Variants in POU6F2 observed in about 807,000 individuals in gnomAD.
POU6F2 encodes the protein POU class 6 homeobox 2.
Under a neutral mutation model 71.3 loss-of-function variants are expected in POU6F2, and 31 were observed. The observed-to-expected ratio is 0.43, with a 90% CI of 0.33 to 0.59. The LOEUF is 0.59. POU6F2 is among the 20% of genes least tolerant of loss of function. POU6F2 has a pLI of 0.04. For synonymous variants in POU6F2, 347 were observed against 355.7 expected, an observed-to-expected ratio of 0.98 and a Z score of 0.27; for missense variants, 783 against 856.8, an observed-to-expected ratio of 0.91 and a Z score of 1.07.
At chr7:39,198,685 T>A (rs1162831874) in intron 2 of POU6F2, among the ~76,000 whole-genome samples, 1 of 152,238 alleles carries the variant, frequency 6.6e-6, no homozygotes, top group African/African-American at 2.4e-5. Context: ...AGTCTCAGAT[T>A]CTACTAAGGG....
At chr7:39,133,444 G>A (rs971759389) in intron 2 of POU6F2, among the ~76,000 whole-genome samples, 1 of 152,226 alleles carries the variant, frequency 6.6e-6, no homozygotes, top group African/African-American at 2.4e-5. Context: ...GAGAAGAGAT[G>A]TGTTTCAAAA....
At chr7:39,351,481 GTAAA>G (rs1316060678) in intron 5 of POU6F2, among the ~76,000 whole-genome samples, 1 of 152,206 alleles carries the variant, frequency 6.6e-6, no homozygotes, top group Non-Finnish European at 1.5e-5. Context: ...AATAGGGAAA[GTAAA>G]TAATCCTTTT....
At chr7:39,188,840 A>T (rs768013057) in intron 2 of POU6F2, among the ~76,000 whole-genome samples, 1 of 152,196 alleles carries the variant, frequency 6.6e-6, no homozygotes, top group Non-Finnish European at 1.5e-5. Context: ...TTAAGTCTAG[A>T]CTGTGCTCCC....
intron 1 of POU6F2, among the ~76,000 whole-genome samples, chr7:38,981,986 T>C (rs1254028466): frequency 6.6e-6 from 1 of 152,224 alleles, no homozygotes; most frequent in East Asian, 1.9e-4. Context: ...TTCCAAAAAG[T>C]ATTTAATGTA....
chr7:39,093,159 A>C (rs960946135), intron 2 of POU6F2, among the ~76,000 whole-genome samples: 3 of 152,084 alleles, frequency 2.0e-5, no homozygotes, highest in Non-Finnish European at 4.4e-5. Flanking sequence ...AAAATTAGCT[A>C]CCTGGAACAA....
At chr7:39,414,941 T>C (rs999423145) in intron 6 of POU6F2, among the ~76,000 whole-genome samples, 11 of 152,018 alleles carry the variant, frequency 7.2e-5, no homozygotes, top group Non-Finnish European at 1.5e-4. Flanking sequence ...CCAAGTTCTC[T>C]CTCACCTAAA....
intron 4 of POU6F2, among the ~76,000 whole-genome samples, chr7:39,329,395 C>T (rs1785588516): frequency 6.6e-6 from 1 of 151,920 alleles, no homozygotes; most frequent in African/African-American, 2.4e-5. Flanking sequence ...TCTCTGAGGG[C>T]AATTTCTACT....
intron 2 of POU6F2, among the ~76,000 whole-genome samples, chr7:39,121,421 A>T (rs11972468): frequency 0.39 from 59,296 of 152,070 alleles, 12,171 homozygotes; most frequent in African/African-American, 0.5. Flanking sequence ...ATCACTTGCC[A>T]GAATCCTTTG....
chr7:39,305,791 A>G (rs1489556749), intron 4 of POU6F2, among the ~76,000 whole-genome samples: 2 of 152,224 alleles, frequency 1.3e-5, no homozygotes, highest in African/African-American at 2.4e-5. Flanking sequence ...ATGTTCTTCA[A>G]TGTGCAGAGA....
chr7:39,089,381 G>C (rs1482549976), intron 2 of POU6F2, among the ~76,000 whole-genome samples: 1 of 152,164 alleles, frequency 6.6e-6, no homozygotes, highest in African/African-American at 2.4e-5. Context: ...GTGGTTGGGG[G>C]TGGGGGATTA....
chr7:39,205,116 G>T (rs756137889), intron 3 of POU6F2, among the ~76,000 whole-genome samples: 7 of 151,716 alleles, frequency 4.6e-5, no homozygotes, highest in Non-Finnish European at 1.0e-4. Flanking sequence ...TCGCCACCAA[G>T]ACTCCCTATG....
chr7:39,074,015 A>C (rs956112122), intron 1 of POU6F2, among the ~76,000 whole-genome samples: 1 of 152,218 alleles, frequency 6.6e-6, no homozygotes, highest in Non-Finnish European at 1.5e-5. Flanking sequence ...GGATTTATAG[A>C]GTTTCCTTCT....
chr7:39,062,225 T>C (rs1255331410), intron 1 of POU6F2, among the ~76,000 whole-genome samples: 1 of 151,684 alleles, frequency 6.6e-6, no homozygotes, highest in African/African-American at 2.4e-5. Flanking sequence ...GCAAATAATG[T>C]GTCAGTACTG....
chr7:39,268,508 G>C (rs1433310474), intron 4 of POU6F2, among the ~76,000 whole-genome samples: 2 of 152,188 alleles, frequency 1.3e-5, no homozygotes, highest in Admixed American at 1.3e-4. Context: ...TGCTCAAGCA[G>C]AAGTGTCTAT....
intron 1 of POU6F2, among the ~76,000 whole-genome samples, chr7:39,054,753 G>C (rs1790473358): frequency 7.0e-6 from 1 of 143,612 alleles, no homozygotes; most frequent in Non-Finnish European, 1.5e-5. Flanking sequence ...ACAGCACAGG[G>C]AAAAGATCAG....
At chr7:39,288,088 T>A (rs1172333366) in intron 4 of POU6F2, among the ~76,000 whole-genome samples, 3 of 152,238 alleles carry the variant, frequency 2.0e-5, no homozygotes, top group Admixed American at 2.0e-4. Flanking sequence ...AGGTACATTT[T>A]AAACACTAAA....
At chr7:39,134,028 C>G (rs1584560422) in intron 2 of POU6F2, among the ~76,000 whole-genome samples, 1 of 152,164 alleles carries the variant, frequency 6.6e-6, no homozygotes, top group Non-Finnish European at 1.5e-5. Context: ...GCGTGTACCA[C>G]CATGACCGGC....
intron 1 of POU6F2, among the ~76,000 whole-genome samples, chr7:38,996,920 T>C (rs1788756892): frequency 1.3e-5 from 2 of 152,104 alleles, no homozygotes; most frequent in Non-Finnish European, 2.9e-5. Context: ...GGTTGAAAAA[T>C]CTCTTTATCC....
intron 6 of POU6F2, among the ~76,000 whole-genome samples, chr7:39,429,120 A>AT (rs1491333570): frequency 1.7e-3 from 87 of 51,040 alleles, no homozygotes; most frequent in Non-Finnish European, 2.6e-3. Flanking sequence ...AATAATAATA[A>AT]AAAAAAAAAA....
Sources: gnomAD v4.1 joint callset for allele counts (sites outside exome capture counted in the v4.1 genomes callset) on GRCh38, gnomAD v4.1.1 for gene constraint, MANE v1.5 for transcripts, NCBI Gene and HGNC (gene_info 2026-07-23, HGNC 2026-07-21) for gene names.